GRID2: variants seen among roughly 807,000 people sequenced by gnomAD.
The protein encoded by GRID2 is glutamate receptor ionotropic, delta-2.
Under a neutral mutation model 114.8 loss-of-function variants are expected in GRID2, and 33 were observed. That is an observed-to-expected ratio of 0.29 (90% confidence interval 0.22 to 0.38). The LOEUF (loss-of-function observed/expected upper bound fraction) is 0.38. Among genes scored for constraint, GRID2 ranks in the 10% least tolerant of loss-of-function variants. The pLI is 1.00. For missense variants in GRID2, 1,184 were observed against 1,257.7 expected, an observed-to-expected ratio of 0.94 and a Z score of 0.89; for synonymous variants, 505 against 449.9, an observed-to-expected ratio of 1.12 and a Z score of -1.55.
At chr4:93,303,284 T>C (rs1755064483) in intron 8 of GRID2, among the ~76,000 whole-genome samples, 1 of 152,206 alleles carries the variant, frequency 6.6e-6, no homozygotes, top group Non-Finnish European at 1.5e-5. Context: ...CATATCAGAA[T>C]GACTGAATAT....
intron 2 of GRID2, among the ~76,000 whole-genome samples, chr4:92,976,454 C>A (rs992461329): frequency 1.3e-5 from 2 of 151,950 alleles, no homozygotes; most frequent in East Asian, 3.9e-4. Flanking sequence ...TGTGTGTGTT[C>A]TATAACAATA....
intron 11 of GRID2, among the ~76,000 whole-genome samples, chr4:93,459,180 CAAAAAAAAAAA>C (rs57937928): frequency 6.0e-5 from 3 of 50,030 alleles, no homozygotes; most frequent in East Asian, 6.8e-4. Flanking sequence ...AACTCCATCT[CAAAAAAAAAAA>C]AAAAAAAAAA....
At chr4:93,656,690 CAT>C (rs1723023114) in intron 14 of GRID2, among the ~76,000 whole-genome samples, 12 of 143,288 alleles carry the variant, frequency 8.4e-5, no homozygotes, top group Non-Finnish European at 1.9e-4. Context: ...ATTAGCCAGG[CAT>C]GGTGGCGGGC....
intron 14 of GRID2, among the ~76,000 whole-genome samples, chr4:93,680,272 T>C (rs1005578555): frequency 1.3e-5 from 2 of 152,062 alleles, no homozygotes; most frequent in Non-Finnish European, 2.9e-5. Context: ...AATCTGAAAT[T>C]GTGGCAATAA....
chr4:92,541,034 A>G (rs1050828799), intron 1 of GRID2, among the ~76,000 whole-genome samples: 1 of 152,170 alleles, frequency 6.6e-6, no homozygotes, highest in South Asian at 2.1e-4. Context: ...TCAGCAAACT[A>G]TTGCAAGGAC....
intron 2 of GRID2, among the ~76,000 whole-genome samples, chr4:92,960,856 A>C (rs1171287737): frequency 6.6e-6 from 1 of 151,514 alleles, no homozygotes; most frequent in Non-Finnish European, 1.5e-5. Flanking sequence ...TTAATTGATC[A>C]CTTTATATTA....
intron 4 of GRID2, among the ~76,000 whole-genome samples, chr4:93,180,319 G>A (rs1352807986): frequency 2.0e-5 from 3 of 152,040 alleles, no homozygotes; most frequent in Admixed American, 6.6e-5. Context: ...AGAAAAAAAT[G>A]TACATAGGGC....
chr4:93,535,641 A>G (rs1471940898), intron 13 of GRID2, among the ~76,000 whole-genome samples: 1 of 151,936 alleles, frequency 6.6e-6, no homozygotes, highest in Non-Finnish European at 1.5e-5. Context: ...GCATTTCCCT[A>G]TTGATTAATG....
chr4:92,338,242 G>C (rs186168348), intron 1 of GRID2, among the ~76,000 whole-genome samples: 21 of 152,294 alleles, frequency 1.4e-4, no homozygotes, highest in African/African-American at 4.6e-4. Context: ...GAGGTAAAGT[G>C]AGGTGTGAGT....
intron 1 of GRID2, among the ~76,000 whole-genome samples, chr4:92,485,418 G>A (rs1722837448): frequency 6.8e-6 from 1 of 146,452 alleles, no homozygotes; most frequent in Admixed American, 6.9e-5. Flanking sequence ...GAGAAAAATA[G>A]GCCAGTCCTG....
chr4:92,308,572 A>G (rs1048769366), intron 1 of GRID2, among the ~76,000 whole-genome samples: 3 of 152,172 alleles, frequency 2.0e-5, no homozygotes, highest in African/African-American at 7.2e-5. Flanking sequence ...CACTATGAGA[A>G]TGTTCAAATT....
At chr4:92,646,584 C>A (rs1461836635) in intron 2 of GRID2, among the ~76,000 whole-genome samples, 1 of 152,144 alleles carries the variant, frequency 6.6e-6, no homozygotes, top group East Asian at 1.9e-4. Flanking sequence ...GATTTATAAC[C>A]CATCCGGAAT....
intron 2 of GRID2, among the ~76,000 whole-genome samples, chr4:92,595,923 T>C (rs994702835): frequency 2.0e-5 from 3 of 152,130 alleles, no homozygotes; most frequent in African/African-American, 7.2e-5. Context: ...CTGCATTATT[T>C]GACACTTCTT....
intron 4 of GRID2, among the ~76,000 whole-genome samples, chr4:93,204,574 T>C (rs1742477194): frequency 6.6e-6 from 1 of 152,166 alleles, no homozygotes; most frequent in African/African-American, 2.4e-5. Context: ...AGTAGAATCA[T>C]GGCTTTAGAC....
chr4:93,187,419 G>A (rs1406897974), intron 4 of GRID2, among the ~76,000 whole-genome samples: 3 of 151,974 alleles, frequency 2.0e-5, no homozygotes, highest in Admixed American at 2.0e-4. Flanking sequence ...GGGATTATAA[G>A]CATGTGCCAC....
chr4:93,592,428 G>T (rs956573430), intron 13 of GRID2, among the ~76,000 whole-genome samples: 6 of 152,154 alleles, frequency 3.9e-5, no homozygotes. Context: ...GAGGTAGTTT[G>T]TTATAATTTC....
intron 11 of GRID2, among the ~76,000 whole-genome samples, chr4:93,468,654 G>A (rs954503323): frequency 6.6e-6 from 1 of 152,112 alleles, no homozygotes; most frequent in Non-Finnish European, 1.5e-5. Context: ...GGTGAGGACA[G>A]AGAGGTCCAT....
intron 2 of GRID2, among the ~76,000 whole-genome samples, chr4:93,044,138 C>T (rs900604069): frequency 1.3e-5 from 2 of 152,030 alleles, no homozygotes; most frequent in African/African-American, 4.8e-5. Flanking sequence ...CTCATCAAGA[C>T]TTTAATCCCA....
chr4:92,796,677 C>T (rs190749710), intron 2 of GRID2, among the ~76,000 whole-genome samples: 59 of 151,886 alleles, frequency 3.9e-4, no homozygotes, highest in Non-Finnish European at 1.5e-5. Context: ...ACTGATTTTC[C>T]TAATGGCATC....
Sources: gnomAD v4.1 joint callset for allele counts (sites outside exome capture counted in the v4.1 genomes callset) on GRCh38, gnomAD v4.1.1 for gene constraint, MANE v1.5 for transcripts, NCBI Gene and HGNC (gene_info 2026-07-23, HGNC 2026-07-21) for gene names.